The following PHF24 variants were observed in gnomAD, a reference collection of about 807,000 sequenced individuals.
PHF24 encodes the protein PHD finger protein 24, also known as Galpha inhibitory interacting protein.
In PHF24, 25 loss-of-function variants were observed where a neutral mutation model predicts 42.6. The ratio of observed to expected loss-of-function variants is 0.59; its 90% CI spans 0.43 to 0.82. The LOEUF is 0.82. Among genes scored for constraint, PHF24 ranks in the 40% least tolerant of loss-of-function variants. The pLI is 0.00. For synonymous variants in PHF24, 185 were observed against 204.8 expected (o/e 0.90, Z 0.83); for missense variants, 470 against 538.1 (o/e 0.87, Z 1.25).
At chr9:34,821,623 G>A in the PHF24 span, among the ~76,000 whole-genome samples, 2 of 152,154 alleles carry the variant, frequency 1.3e-5, no homozygotes, top group Non-Finnish European at 2.9e-5. Flanking sequence ...GCTCTCTAAC[G>A]CCTGAGCCAA....
chr9:34,820,974 C>G, the PHF24 span, among the ~76,000 whole-genome samples: 2 of 152,160 alleles, frequency 1.3e-5, no homozygotes, highest in African/African-American at 2.4e-5. Context: ...TTGCATTTCT[C>G]TAATGATCAG....
chr9:34,875,981 C>CTCTCTCTCTCTT, the PHF24 span, among the ~76,000 whole-genome samples: 1 of 137,374 alleles, frequency 7.3e-6, no homozygotes, highest in African/African-American at 2.7e-5. Flanking sequence ...CTCTCTCTCT[C>CTCTCTCTCTCTT]TCTCTCACTC....
the PHF24 span, chr9:34,723,900 G>A: frequency 6.4e-7 from 1 of 1,551,660 alleles, no homozygotes; most frequent in Non-Finnish European, 8.7e-7. Flanking sequence ...GGGTGATGCT[G>A]GGGGCTGTGT....
the PHF24 span, among the ~76,000 whole-genome samples, chr9:34,700,448 A>G: frequency 6.6e-6 from 1 of 152,212 alleles, no homozygotes; most frequent in Non-Finnish European, 1.5e-5. Flanking sequence ...TCAGCATAGG[A>G]TATGAGAGAA....
chr9:34,826,684 C>T, the PHF24 span, among the ~76,000 whole-genome samples: 95 of 152,036 alleles, frequency 6.2e-4, no homozygotes, highest in African/African-American at 2.1e-3. Context: ...CAGCCAATTC[C>T]GAAGTGCCCT....
the PHF24 span, among the ~76,000 whole-genome samples, chr9:34,696,013 G>T: frequency 1.3e-5 from 2 of 152,118 alleles, no homozygotes; most frequent in African/African-American, 4.8e-5. Flanking sequence ...ACTATCACTC[G>T]TGAGGCATGG....
chr9:34,978,071 GC>G lies in PHF24; in HGVS notation c.1167del (p.Asn390ThrfsTer7). 1 of 1,614,114 alleles carries G rather than the reference GC, an allele frequency of 6.2e-7. No homozygotes were observed. The highest frequency in any genetic ancestry group is 8.5e-7 in the Non-Finnish European group (1 of 1,180,010). The stretch of plus-strand genomic sequence containing the variant: ...AATGTCCTCTACATCCTGGCTGCTC[GC>G]CCCAACAGCGCAGCCATTCACCTGA... On this transcript the variant is annotated frameshift_variant, in exon 8 of 8. Coordinates refer to ENST00000242315, the Ensembl canonical transcript of PHF24. LOFTEE classifies it high-confidence loss of function.
the PHF24 span, among the ~76,000 whole-genome samples, chr9:34,750,558 T>TA: frequency 6.6e-6 from 1 of 151,782 alleles, no homozygotes; most frequent in Admixed American, 6.6e-5. Flanking sequence ...GGTATGAAGT[T>TA]AAAATACAGA....
chr9:34,965,671 C>T (rs10972273), intron 1 of PHF24, among the ~76,000 whole-genome samples: 1 of 151,880 alleles, frequency 6.6e-6, no homozygotes, highest in Non-Finnish European at 1.5e-5. Flanking sequence ...GGTATCCTTA[C>T]AGTTAATAAT....
At chr9:34,710,966 T>C in the PHF24 span, among the ~76,000 whole-genome samples, 1 of 152,178 alleles carries the variant, frequency 6.6e-6, no homozygotes, top group African/African-American at 2.4e-5. Context: ...CTTTTCTATA[T>C]ATTTTGTAGT....
chr9:34,868,072 G>T, the PHF24 span, among the ~76,000 whole-genome samples: 1 of 152,094 alleles, frequency 6.6e-6, no homozygotes, highest in Non-Finnish European at 1.5e-5. Context: ...GCTCTCCTCT[G>T]TGATCAGAAA....
chr9:34,979,349 G>C (rs1470466802), exon 8 of PHF24: 2 of 152,210 alleles, frequency 1.3e-5, no homozygotes, highest in Admixed American at 1.3e-4. Context: ...CAGCAGGCTA[G>C]GGCTTGGGCC....
the PHF24 span, among the ~76,000 whole-genome samples, chr9:34,668,748 T>G: frequency 6.6e-6 from 1 of 152,208 alleles, no homozygotes; most frequent in Admixed American, 6.5e-5. Context: ...CTCAAGATCT[T>G]TACCTTAAAA....
the PHF24 span, among the ~76,000 whole-genome samples, chr9:34,719,361 T>C: frequency 6.6e-6 from 1 of 152,178 alleles, no homozygotes; most frequent in African/African-American, 2.4e-5. Context: ...TTCTTGAGTT[T>C]GTACTCTACA....
the PHF24 span, among the ~76,000 whole-genome samples, chr9:34,768,941 G>A: frequency 6.6e-6 from 1 of 151,862 alleles, no homozygotes; most frequent in Non-Finnish European, 1.5e-5. Context: ...CAGTCAGGTA[G>A]CAGAATATAA....
the PHF24 span, among the ~76,000 whole-genome samples, chr9:34,901,876 G>T: frequency 6.6e-6 from 1 of 152,140 alleles, no homozygotes; most frequent in Non-Finnish European, 1.5e-5. Context: ...ATATTTAATG[G>T]TATAAATTTC....
the PHF24 span, among the ~76,000 whole-genome samples, chr9:34,686,205 T>C: frequency 6.6e-6 from 1 of 152,164 alleles, no homozygotes; most frequent in African/African-American, 2.4e-5. Flanking sequence ...AATTTCCCAA[T>C]TAGGAGTCCT....
the PHF24 span, chr9:34,729,428 G>A: frequency 6.5e-7 from 1 of 1,544,696 alleles, no homozygotes; most frequent in Non-Finnish European, 8.7e-7. Context: ...GGCTCAACAT[G>A]GTCTAAACTT....
intron 3 of PHF24, among the ~76,000 whole-genome samples, 190 bp from the exon 4 acceptor site, chr9:34,975,962 C>T (rs543608691): frequency 6.6e-6 from 1 of 152,128 alleles, no homozygotes; most frequent in African/African-American, 2.4e-5. Context: ...GATTCTGCCC[C>T]AGAGTAAAGA....
Sources: allele counts gnomAD v4.1 joint callset (sites outside exome capture counted in the v4.1 genomes callset), GRCh38; gene constraint gnomAD v4.1.1; transcripts MANE v1.5; gene names NCBI Gene and HGNC (gene_info 2026-07-23, HGNC 2026-07-21).